The following SHISAL1 variants were observed in gnomAD, a reference collection of about 807,000 sequenced individuals.
SHISAL1 encodes protein shisa-like-1.
In SHISAL1, 9 loss-of-function variants were observed where a neutral mutation model predicts 22.6. The ratio of observed to expected loss-of-function variants is 0.40; its 90% confidence interval spans 0.24 to 0.70. The LOEUF is 0.70. Among genes scored for constraint, SHISAL1 ranks in the 30% least tolerant of loss-of-function variants. The pLI is 0.39. For missense variants in SHISAL1, 246 were observed against 270.6 expected, an observed-to-expected ratio of 0.91 and a Z score of 0.64; for synonymous variants, 119 against 115.4, an observed-to-expected ratio of 1.03 and a Z score of -0.20.
At chr22:44,308,390 G>A (rs951430258) in intron 1 of SHISAL1, among the ~76,000 whole-genome samples, 3 of 152,216 alleles carry the variant, frequency 2.0e-5, no homozygotes, top group Non-Finnish European at 4.4e-5. Context: ...GGCCCCTTGT[G>A]GCCTGGCACT....
intron 4 of SHISAL1, among the ~76,000 whole-genome samples, chr22:44,260,845 G>A (rs1289801085): frequency 6.6e-6 from 1 of 152,048 alleles, no homozygotes; most frequent in Non-Finnish European, 1.5e-5. Flanking sequence ...CCTCCCCATG[G>A]TTGCCCCTGC....
In SHISAL1 at chr22:44,247,125, C is replaced by CAGGAG. The variant is rs2055008082; in HGVS notation, c.*2555_*2559dup. The CAGGAG allele has an allele frequency of 6.6e-6, 1 of 152,598 alleles. No individual in the cohort carries two copies. Among genetic ancestry groups the CAGGAG allele is most frequent in the African/African-American group, 2.4e-5 (1 of 41,438 alleles). The allele number at this position is 152,598 out of a possible 1,614,324, so 9.5% of individuals were successfully genotyped here. A position where few individuals can be genotyped will look rare whatever the true frequency, so the allele number is the denominator to read the frequency against. ...GCAGTGACCTTTGACCCCAGGTGTC[C>CAGGAG]AGGAGAGGGAGGCAAGGCCACCAGT... is the stretch of plus-strand genomic sequence containing the variant. On this transcript the variant is annotated 3_prime_UTR_variant, in exon 5 of 5. Coordinates refer to ENST00000381176, the MANE Select transcript of SHISAL1 (RefSeq NM_001099294.2).
intron 3 of SHISAL1, among the ~76,000 whole-genome samples, chr22:44,291,876 T>C (rs572707380): frequency 6.6e-6 from 1 of 152,186 alleles, no homozygotes; most frequent in South Asian, 2.1e-4. Context: ...TGAGTCGCCA[T>C]TGCTGGTGTC....
At chr22:44,272,058 C>T (rs938555492) in intron 4 of SHISAL1, among the ~76,000 whole-genome samples, 3 of 152,150 alleles carry the variant, frequency 2.0e-5, no homozygotes, top group African/African-American at 2.4e-5. Flanking sequence ...GGGTCTCTCC[C>T]GGGGCAGGAT....
At chr22:44,309,059 C>A (rs7286242) in intron 1 of SHISAL1, among the ~76,000 whole-genome samples, 3 of 152,110 alleles carry the variant, frequency 2.0e-5, no homozygotes, top group Non-Finnish European at 4.4e-5. Context: ...TACGTCCAAA[C>A]TGAACCTGCC....
intron 3 of SHISAL1, 94 bp from the exon 4 acceptor site, chr22:44,285,839 G>A: frequency 9.1e-7 from 1 of 1,093,922 alleles, no homozygotes; most frequent in South Asian, 1.4e-5. Context: ...ATGTGTCCTG[G>A]GGCTATGTTG....
chr22:44,324,021 A>G, the SHISAL1 span, among the ~76,000 whole-genome samples: 1 of 152,204 alleles, frequency 6.6e-6, no homozygotes, highest in African/African-American at 2.4e-5. Context: ...AATTTGTCCA[A>G]GGCCACACAG....
the SHISAL1 span, among the ~76,000 whole-genome samples, chr22:44,330,348 C>A: frequency 6.6e-6 from 1 of 152,238 alleles, no homozygotes; most frequent in Non-Finnish European, 1.5e-5. Flanking sequence ...CCCAGAGAGT[C>A]CCTGTGTGGG....
intron 4 of SHISAL1, among the ~76,000 whole-genome samples, chr22:44,250,356 C>T (rs1432531903): frequency 6.6e-6 from 1 of 152,088 alleles, no homozygotes; most frequent in Non-Finnish European, 1.5e-5. Context: ...AAAGAAGAGA[C>T]CAAGGTGCTC....
rs189028957 is a variant in SHISAL1, at chr22:44,267,552, C to G, written c.*-17867G>C. ...AGCCTCTCTGGTAGACCCCCAGCTG[C>G]CTTCCCAAAGGCAAATGCGTCCTGT... On this transcript the variant is annotated intron_variant, in intron 4 of 4. Transcript: ENST00000381176. Among the ~76,000 whole-genome samples the G allele has an allele frequency of 1.4e-4, 22 of 152,306 alleles. No homozygotes were observed. In the East Asian group the frequency reaches 4.1e-3, roughly 28 times the overall value.
intron 4 of SHISAL1, among the ~76,000 whole-genome samples, chr22:44,279,117 G>A (rs1426942684): frequency 3.3e-5 from 5 of 152,282 alleles, no homozygotes; most frequent in South Asian, 2.1e-4. Flanking sequence ...ACCCACCACC[G>A]CGGAGTGACA....
chr22:44,280,982 T>C (rs575374679), intron 4 of SHISAL1, among the ~76,000 whole-genome samples: 29 of 152,124 alleles, frequency 1.9e-4, no homozygotes, highest in Non-Finnish European at 4.3e-4. Context: ...TCAGTGATGA[T>C]GACAGCACAG....
At position 44,302,359 on chromosome 22, in the gene SHISAL1, AG is replaced by A. The variant is rs1385025426; in HGVS notation, c.-32-1383del. ...CGTCTCAAAAAAAAAAAAAAAAAAA[AG>A]GAGCGGGGAGGAGTTAAAGTAGTAA... On this transcript the variant is annotated intron_variant, in intron 1 of 4. Coordinates refer to ENST00000381176, the MANE Select transcript of SHISAL1 (RefSeq NM_001099294.2). Among the ~76,000 whole-genome samples the A allele has an allele frequency of 2.0e-4, 28 of 142,770 alleles. No individual in the cohort carries two copies. The East Asian group carries it at 5.1e-3, about 26-fold the overall frequency. The allele number at this position is 142,770 out of a possible 152,430, so 93.7% of individuals were successfully genotyped here. A position where few individuals can be genotyped will look rare whatever the true frequency, so the allele number is the denominator to read the frequency against.
intron 4 of SHISAL1, among the ~76,000 whole-genome samples, chr22:44,282,839 G>A (rs1415400130): frequency 1.3e-5 from 2 of 152,206 alleles, no homozygotes; most frequent in African/African-American, 4.8e-5. Context: ...GAGGAGGGCC[G>A]CAGAGGGCGT....
At chr22:44,311,465 C>T (rs188820712) in intron 1 of SHISAL1, among the ~76,000 whole-genome samples, 1 of 152,352 alleles carries the variant, frequency 6.6e-6, no homozygotes, top group Admixed American at 6.5e-5. Flanking sequence ...CACCATGCCC[C>T]AGCCAGCTGG....
the SHISAL1 span, among the ~76,000 whole-genome samples, chr22:44,320,873 G>A: frequency 1.3e-5 from 2 of 152,326 alleles, no homozygotes; most frequent in Admixed American, 1.3e-4. Flanking sequence ...GTGGGGCAGT[G>A]GAGTCTCACC....
chr22:44,288,521 A>G (rs1167078002), intron 3 of SHISAL1, among the ~76,000 whole-genome samples: 1 of 152,098 alleles, frequency 6.6e-6, no homozygotes, highest in Non-Finnish European at 1.5e-5. Context: ...GGCGCCTGTA[A>G]TCCCAGCTAC....
the SHISAL1 span, among the ~76,000 whole-genome samples, chr22:44,324,781 TC>T: frequency 2.1e-3 from 326 of 152,264 alleles, no homozygotes; most frequent in African/African-American, 7.7e-3. Flanking sequence ...ACCCGGAGCC[TC>T]CCTCTGGCCC....
chr22:44,292,124 G>A (rs571741291), intron 3 of SHISAL1, among the ~76,000 whole-genome samples: 3 of 152,128 alleles, frequency 2.0e-5, no homozygotes, highest in Non-Finnish European at 4.4e-5. Context: ...CATCAGAAGC[G>A]CTCTCCTTTT....
Sources: allele counts gnomAD v4.1 joint callset (sites outside exome capture counted in the v4.1 genomes callset), GRCh38; gene constraint gnomAD v4.1.1; transcripts MANE v1.5; gene names NCBI Gene and HGNC (gene_info 2026-07-23, HGNC 2026-07-21).